Variants in LRRC7 observed in about 807,000 individuals in gnomAD.
LRRC7 encodes the protein leucine-rich repeat-containing protein 7.
LRRC7 carries 23 observed loss-of-function variants against 175.7 expected under a neutral mutation model. That is an observed-to-expected ratio of 0.13 (90% CI 0.09 to 0.19). The LOEUF (loss-of-function observed/expected upper bound fraction) is 0.19, where lower values mean the gene tolerates loss of function less well. LRRC7 is among the 10% of genes least tolerant of loss of function. The pLI is 1.00. For synonymous variants in LRRC7, 685 were observed against 680.9 expected (o/e 1.01, Z -0.09); for missense variants, 1,354 against 1,904.7 (o/e 0.71, Z 5.38).
intron 6 of LRRC7, among the ~76,000 whole-genome samples, chr1:69,836,515 G>A (rs942114506): frequency 5.3e-5 from 8 of 151,906 alleles, no homozygotes; most frequent in African/African-American, 1.7e-4. Context: ...ATTTGGGCAA[G>A]TGAAAAACAT....
chr1:69,607,219 CA>C (rs761435394), intron 1 of LRRC7: 8 of 152,120 alleles, frequency 5.3e-5, no homozygotes, highest in Non-Finnish European at 8.8e-5. Flanking sequence ...GATTCTTTGG[CA>C]AGATTTTGAG....
chr1:69,697,427 C>G (rs993352110), intron 2 of LRRC7, among the ~76,000 whole-genome samples: 5 of 152,208 alleles, frequency 3.3e-5, no homozygotes, highest in Admixed American at 2.0e-4. Context: ...GCACTTGCAA[C>G]TACTTTTCAT....
Position 70,140,849 on chromosome 1 carries a change from A to T in LRRC7, c.*18962A>T, listed in dbSNP as rs1037086617. Among the ~76,000 whole-genome samples, 1 of 152,108 alleles carries T rather than the reference A, an allele frequency of 6.6e-6. No individual in the cohort carries two copies. Among genetic ancestry groups the T allele is most frequent in the Non-Finnish European group, 1.5e-5 (1 of 67,970 alleles). ...TTCAGATGGCTTTCCCTTCTCCCTA[A>T]GTGTCAGTGACTTAACTGACATAAA... On this transcript the variant is annotated 3_prime_UTR_variant, in exon 27 of 27. Transcript: ENST00000651989.
chr1:69,911,562 A>G (rs971048498), intron 7 of LRRC7, among the ~76,000 whole-genome samples: 2 of 152,188 alleles, frequency 1.3e-5, no homozygotes, highest in Admixed American at 1.3e-4. Context: ...CTCTTAAATC[A>G]TGGAGGGAAA....
At chr1:69,841,131 A>C (rs961856742) in intron 7 of LRRC7, among the ~76,000 whole-genome samples, 8 of 152,088 alleles carry the variant, frequency 5.3e-5, no homozygotes, top group Admixed American at 5.3e-4. Flanking sequence ...GGTTTGCCTC[A>C]AATCTCACTC....
chr1:70,133,934 C>T lies in LRRC7; in HGVS notation c.*12047C>T, dbSNP rs1007072073. Among the ~76,000 whole-genome samples, 6 of 152,124 alleles carry T rather than the reference C, an allele frequency of 3.9e-5. No individual in the cohort carries two copies. In the East Asian group the frequency reaches 9.7e-4, roughly 24 times the overall value. ...AAAATTTATTTTTAAAGTTAACTTTCCAAAACTTAAACATCAGGAACTGTG... is the reference window on the plus strand; with the variant it reads ...AAAATTTATTTTTAAAGTTAACTTTTCAAAACTTAAACATCAGGAACTGTG... On this transcript the variant is annotated 3_prime_UTR_variant, in exon 27 of 27. Transcript: ENST00000651989.
chr1:70,091,311 G>A (rs1664014478), intron 25 of LRRC7, among the ~76,000 whole-genome samples: 1 of 152,058 alleles, frequency 6.6e-6, no homozygotes, highest in Admixed American at 6.6e-5. Context: ...ATTATCAGAA[G>A]CATGATGACA....
At chr1:69,961,924 A>G (rs1159823156) in intron 8 of LRRC7, among the ~76,000 whole-genome samples, 1 of 152,202 alleles carries the variant, frequency 6.6e-6, no homozygotes, top group East Asian at 1.9e-4. Flanking sequence ...GGACATAGGC[A>G]TGGGCAAAGA....
At position 70,143,632 on chromosome 1, in the gene LRRC7, C is replaced by T. The variant is rs529360501; in HGVS notation, c.*21745C>T. ...TAGCCTAGGTGGCTGTATACAAATT[C>T]GGGTGGGAGGGGGCAGGAAACACCT... On this transcript the variant is annotated 3_prime_UTR_variant, in exon 27 of 27. Coordinates refer to ENST00000651989, the MANE Select transcript of LRRC7 (RefSeq NM_001370785.2). 1 of 151,940 alleles carries T rather than the reference C, an allele frequency of 6.6e-6. No homozygotes were observed. Among genetic ancestry groups the T allele is most frequent in the Non-Finnish European group, 1.5e-5 (1 of 67,980 alleles). The allele number at this position is 151,940 out of a possible 1,614,324, so 9.4% of individuals were successfully genotyped here. A position where few individuals can be genotyped will look rare whatever the true frequency, so the allele number is the denominator to read the frequency against.
chr1:69,906,341 A>G (rs904730083), intron 7 of LRRC7, among the ~76,000 whole-genome samples: 25 of 152,242 alleles, frequency 1.6e-4, no homozygotes, highest in African/African-American at 4.8e-4. Context: ...GCCCTTGCCT[A>G]TGTCCTGAAT....
chr1:69,703,231 C>CT (rs1320929353), intron 2 of LRRC7, among the ~76,000 whole-genome samples: 8 of 152,040 alleles, frequency 5.3e-5, no homozygotes, highest in Middle Eastern at 3.4e-3. Context: ...AGGACTGAGT[C>CT]TCTCCTGGGA....
rs1182861744 is a variant in LRRC7 at position 70,038,357 on chromosome 1, C to T, written c.2533C>T (p.Arg845Cys). Residue 845 changes from arginine to cysteine, a missense_variant, in exon 21 of 27, where the codon CGC becomes TGC. Physicochemically the swap from Arg to Cys is radical, Grantham distance 180. Coordinates refer to ENST00000651989, the MANE Select transcript of LRRC7 (RefSeq NM_001370785.2). ...ATCTAGAAGCACATCTTCGCATGGA[C>T]GCAGGCCTTTGATCAGGCAAGACAG... The part of the protein sequence containing the change: ...SKSRSTSSHG[R>C]RPLIRQDRIV... 3.1e-6 allele frequency: 5 copies of T among 1,613,952 alleles called. No homozygotes were observed. The highest frequency in any genetic ancestry group is 3.4e-6 in the Non-Finnish European group (4 of 1,180,012).
intron 1 of LRRC7, among the ~76,000 whole-genome samples, chr1:69,590,698 A>G (rs1318497480): frequency 1.3e-5 from 2 of 152,140 alleles, no homozygotes; most frequent in Non-Finnish European, 2.9e-5. Context: ...GCTAATCACA[A>G]TGCCAGCCAT....
intron 7 of LRRC7, among the ~76,000 whole-genome samples, chr1:69,856,976 C>T (rs1002364989): frequency 1.8e-4 from 27 of 152,120 alleles, no homozygotes; most frequent in Non-Finnish European, 2.5e-4. Flanking sequence ...AATCAATAAA[C>T]GTAATACAGC....
chr1:69,711,870 A>C (rs1182509594), intron 2 of LRRC7, among the ~76,000 whole-genome samples: 1 of 152,190 alleles, frequency 6.6e-6, no homozygotes, highest in Non-Finnish European at 1.5e-5. Flanking sequence ...GGCAGGTCAA[A>C]CTGGAGTCAA....
At chr1:69,653,826 G>A (rs1360435182) in intron 1 of LRRC7, among the ~76,000 whole-genome samples, 1 of 152,054 alleles carries the variant, frequency 6.6e-6, no homozygotes. Context: ...GATGAACTTT[G>A]AGGATGTTAT....
chr1:69,854,698 A>G (rs1288521656), intron 7 of LRRC7, among the ~76,000 whole-genome samples: 2 of 152,164 alleles, frequency 1.3e-5, no homozygotes, highest in African/African-American at 4.8e-5. Context: ...TGGGGGAAAA[A>G]CAGCTGTTAG....
intron 1 of LRRC7, among the ~76,000 whole-genome samples, chr1:69,621,502 AC>A (rs1650596464): frequency 6.6e-6 from 1 of 152,124 alleles, no homozygotes; most frequent in African/African-American, 2.4e-5. Flanking sequence ...CATGTTCTTG[AC>A]TCAGATGCAT....
intron 8 of LRRC7, among the ~76,000 whole-genome samples, chr1:69,965,680 C>T (rs1029333279): frequency 1.1e-4 from 17 of 151,902 alleles, no homozygotes; most frequent in South Asian, 4.1e-4. Context: ...ATTTGAAAAA[C>T]GTGAAATTAA....
Sources: allele counts gnomAD v4.1 joint callset (sites outside exome capture counted in the v4.1 genomes callset), GRCh38; gene constraint gnomAD v4.1.1; transcripts MANE v1.5; gene names NCBI Gene and HGNC (gene_info 2026-07-23, HGNC 2026-07-21).